Variants in IGF2R observed in about 807,000 individuals in gnomAD.
The protein encoded by IGF2R is insulin like growth factor 2 receptor, also known as cation-independent mannose-6-phosphate receptor.
IGF2R carries 91 observed loss-of-function variants against 270.6 expected under a neutral mutation model. The ratio of observed to expected loss-of-function variants is 0.34; its 90% CI spans 0.28 to 0.40. IGF2R has a LOEUF of 0.40. IGF2R is among the 10% of genes least tolerant of loss of function. The pLI is 1.00. For missense variants in IGF2R, 2,805 were observed against 3,188.3 expected, an observed-to-expected ratio of 0.88 and a Z score of 2.90; for synonymous variants, 1,316 against 1,258.9, an observed-to-expected ratio of 1.05 and a Z score of -0.96.
At chr6:160,088,470 G>T (rs1562374672) in intron 42 of IGF2R, among the ~76,000 whole-genome samples, 1 of 152,220 alleles carries the variant, frequency 6.6e-6, no homozygotes, top group South Asian at 2.1e-4. Flanking sequence ...CCCACCCGAG[G>T]TGTTCAAGCA....
chr6:160,078,985 C>T (rs1778915305), intron 37 of IGF2R, among the ~76,000 whole-genome samples: 1 of 152,196 alleles, frequency 6.6e-6, no homozygotes, highest in South Asian at 2.1e-4. Flanking sequence ...TGTTACCATG[C>T]CAGTGCCTGG....
intron 13 of IGF2R, 148 bp from the exon 14 acceptor site, chr6:160,045,597 T>A: frequency 1.2e-6 from 1 of 856,246 alleles, no homozygotes; most frequent in Non-Finnish European, 1.9e-6. Context: ...AATGCTACAG[T>A]ATTTGTAGGG....
At chr6:160,039,382 A>C (rs759100170) in intron 10 of IGF2R, among the ~76,000 whole-genome samples, 2 of 152,186 alleles carry the variant, frequency 1.3e-5, no homozygotes, top group East Asian at 3.8e-4. Context: ...TTGTTGACCA[A>C]ATGTTGTTAT....
At position 160,028,069 on chromosome 6, in the gene IGF2R, T is replaced by G. The variant is rs571067461; in HGVS notation, c.776+755T>G. Among the ~76,000 whole-genome samples the G allele has an allele frequency of 3.5e-3, 527 of 152,374 alleles. 4 individuals carry two copies. Among genetic ancestry groups the G allele is most frequent in the African/African-American group, 0.012 (510 of 41,584 alleles). On this transcript the variant is annotated intron_variant, in intron 6 of 47. Coordinates refer to ENST00000356956, the MANE Select transcript of IGF2R (RefSeq NM_000876.4). ...TTCTATGTGTGTGTCTGTATTAGTT[T>G]GCTCAGGCTGCCATAAGAAAATACG... is the stretch of plus-strand genomic sequence containing the variant.
intron 1 of IGF2R, among the ~76,000 whole-genome samples, chr6:159,976,892 C>G (rs144968818): frequency 6.6e-6 from 1 of 152,348 alleles, no homozygotes; most frequent in East Asian, 1.9e-4. Flanking sequence ...AAAAAGTTCT[C>G]TGTTTGGGTC....
chr6:159,993,957 C>CAAGAAGA (rs1402628196), intron 2 of IGF2R, among the ~76,000 whole-genome samples: 1 of 136,090 alleles, frequency 7.3e-6, no homozygotes, highest in Non-Finnish European at 1.5e-5. Flanking sequence ...CTTCATAGAA[C>CAAGAAGA]AAGTTAGGGA....
At position 159,984,894 on chromosome 6, in the gene IGF2R, G is replaced by T. The variant is rs549409862; in HGVS notation, c.150-6290G>T. 3.9e-5 allele frequency among the ~76,000 whole-genome samples: 6 copies of T among 152,252 alleles called. No individual in the cohort carries two copies. The East Asian group carries it at 7.7e-4, about 20-fold the overall frequency. On this transcript the variant is annotated intron_variant, in intron 1 of 47. Transcript: ENST00000356956. ...CATACCTTTTATTACAGTTATAATT[G>T]TGCTATTTTATTATTAGTTGTTAAT...
intron 18 of IGF2R, among the ~76,000 whole-genome samples, chr6:160,049,929 C>T (rs1778155885): frequency 6.6e-6 from 1 of 152,144 alleles, no homozygotes; most frequent in Non-Finnish European, 1.5e-5. Flanking sequence ...ACCTCAAATT[C>T]ACCTCCCTAA....
intron 39 of IGF2R, among the ~76,000 whole-genome samples, chr6:160,082,898 G>A (rs949012515): frequency 2.0e-5 from 3 of 152,320 alleles, no homozygotes; most frequent in Non-Finnish European, 2.9e-5. Flanking sequence ...ACATTCTCCC[G>A]CCTCTGCTCC....
At chr6:160,031,302 T>A (rs2115231469) in intron 7 of IGF2R, among the ~76,000 whole-genome samples, 1 of 152,364 alleles carries the variant, frequency 6.6e-6, no homozygotes, top group African/African-American at 2.4e-5. Context: ...TAGATCATTT[T>A]AAAAATGCTT....
rs368061810 is a variant in IGF2R, at chr6:160,062,604, G to A, written c.3655G>A (p.Val1219Ile). The A allele has an allele frequency of 6.1e-5, 98 of 1,612,764 alleles. No individual in the cohort carries two copies. Among genetic ancestry groups the A allele is most frequent in the Admixed American group, 1.2e-4 (7 of 59,952 alleles). Residue 1219 changes from valine (V) to isoleucine (I), a missense_variant, in exon 26 of 48, where the codon GTT becomes ATT. Coordinates refer to ENST00000356956, the MANE Select transcript of IGF2R (RefSeq NM_000876.4). ...CTGGAGAACTGTGGAAGCCTGTCCC[G>A]TTGTCAGAGTGGAAGGTAGGACTGG... is the stretch of plus-strand genomic sequence containing the variant. Reference protein sequence around the residue: ...FIWRTVEACPVVRVEGDNCEV... With the variant: ...FIWRTVEACPIVRVEGDNCEV...
rs769740592 is a variant in IGF2R at position 160,083,958 on chromosome 6, T to C, written c.5842T>C (p.Tyr1948His). 9 of 1,612,864 alleles carry C rather than the reference T, an allele frequency of 5.6e-6. No individual in the cohort carries two copies. Among genetic ancestry groups the C allele is most frequent in the Non-Finnish European group, 7.6e-6 (9 of 1,178,788 alleles). ...TTCCCTACACTCCCCAGCAAACAGC[T>C]ACCGGACATCCAGCATCATATTTAA... ...EWGFCRHSNS[Y>H]RTSSIIFKCD... The change falls in exon 40 of 48, where the codon TAC (tyrosine) becomes CAC (histidine). Residue 1948 changes from tyrosine (Y) to histidine (H), a missense_variant. Tyr to His is a moderately conservative substitution (Grantham distance 83, BLOSUM62 2). Transcript: ENST00000356956.
In IGF2R at chr6:160,105,689, AGGGCACACACACGTGCGTGC is replaced by A. The variant is rs752492018; in HGVS notation, c.*607_*626del. 2.5e-4 allele frequency: 38 copies of A among 152,540 alleles called. No individual in the cohort carries two copies. Among genetic ancestry groups the A allele is most frequent in the Admixed American group, 1.8e-3 (27 of 15,284 alleles). 9.4% of individuals were successfully genotyped at this position (152,540 alleles called of 1,614,324 possible). ...TTTCTCTTTTGCTTTCTGTTTCTTAAGGGCACACACACGTGCGTGCGAGCACACACACACATACGTGCACA... is the reference window on the plus strand; with the variant it reads ...TTTCTCTTTTGCTTTCTGTTTCTTAAGAGCACACACACACATACGTGCACA... On this transcript the variant is annotated 3_prime_UTR_variant, in exon 48 of 48. Coordinates refer to ENST00000356956, the MANE Select transcript of IGF2R (RefSeq NM_000876.4).
intron 2 of IGF2R, among the ~76,000 whole-genome samples, chr6:159,999,186 T>C (rs1784093122): frequency 6.6e-6 from 1 of 152,114 alleles, no homozygotes; most frequent in South Asian, 2.1e-4. Context: ...TCATACACCA[T>C]AGGGAAGGGG....
chr6:160,026,888 G>T (rs1029717851), intron 5 of IGF2R, among the ~76,000 whole-genome samples: 2 of 152,096 alleles, frequency 1.3e-5, no homozygotes, highest in Non-Finnish European at 2.9e-5. Context: ...CTTGAAAGGG[G>T]ATAGTGCTAA....
chr6:160,045,093 C>G (rs1490645310), intron 13 of IGF2R, among the ~76,000 whole-genome samples: 1 of 152,138 alleles, frequency 6.6e-6, no homozygotes, highest in East Asian at 1.9e-4. Context: ...TTTATGGTAA[C>G]AAATCTTAAT....
At chr6:160,090,712 G>C (rs1779201697) in intron 44 of IGF2R, among the ~76,000 whole-genome samples, 1 of 152,206 alleles carries the variant, frequency 6.6e-6, no homozygotes, top group Non-Finnish European at 1.5e-5. Context: ...GTGTGTGGAT[G>C]TAATAACTCT....
At chr6:160,005,093 G>A (rs1345288323) in intron 2 of IGF2R, 2 of 152,278 alleles carry the variant, frequency 1.3e-5, no homozygotes, top group Admixed American at 6.5e-5. Context: ...GGTTCCTCCC[G>A]TGTTGCAAGC....
chr6:160,030,203 C>G (rs1449445463), intron 7 of IGF2R, among the ~76,000 whole-genome samples: 2 of 152,190 alleles, frequency 1.3e-5, no homozygotes, highest in African/African-American at 4.8e-5. Context: ...CTGAGACTTA[C>G]TTGTCCTTGA....
Sources: allele counts gnomAD v4.1 joint callset (sites outside exome capture counted in the v4.1 genomes callset), GRCh38; gene constraint gnomAD v4.1.1; transcripts MANE v1.5; gene names NCBI Gene and HGNC (gene_info 2026-07-23, HGNC 2026-07-21).